EXT1: variants seen among roughly 807,000 people sequenced by gnomAD.
The protein encoded by EXT1 is exostosin-1.
In EXT1, 20 loss-of-function variants were observed where a neutral mutation model predicts 82.5. That is an observed-to-expected ratio of 0.24 (90% CI 0.17 to 0.35). The LOEUF is 0.35. Among genes scored for constraint, EXT1 ranks in the 10% least tolerant of loss-of-function variants. The probability of loss-of-function intolerance (pLI) is 1.00; values close to 1 mark genes in which losing one functional copy is unlikely to be tolerated. For missense variants in EXT1, 757 were observed against 936.5 expected (o/e 0.81, Z 2.50); for synonymous variants, 348 against 350.8 (o/e 0.99, Z 0.09).
intron 1 of EXT1, among the ~76,000 whole-genome samples, chr8:117,946,350 T>C (rs1814387459): frequency 6.7e-6 from 1 of 148,538 alleles, no homozygotes; most frequent in East Asian, 2.0e-4. Context: ...ACTTGAGTAA[T>C]GGTTTTTTGT....
At chr8:117,913,044 T>TA (rs1813680014) in intron 1 of EXT1, among the ~76,000 whole-genome samples, 1 of 152,088 alleles carries the variant, frequency 6.6e-6, no homozygotes, top group Non-Finnish European at 1.5e-5. Flanking sequence ...GACAACATGT[T>TA]AAAACCCTGT....
At chr8:117,990,779 C>A (rs189769085) in intron 1 of EXT1, among the ~76,000 whole-genome samples, 19 of 152,292 alleles carry the variant, frequency 1.2e-4, no homozygotes, top group African/African-American at 3.6e-4. Context: ...CAGTTTGCAT[C>A]GTTCTAGGCA....
At chr8:117,990,720 C>T (rs988960585) in intron 1 of EXT1, among the ~76,000 whole-genome samples, 1 of 152,200 alleles carries the variant, frequency 6.6e-6, no homozygotes, top group Non-Finnish European at 1.5e-5. Context: ...CAGGATCTCT[C>T]TTTTTCATCT....
Position 117,837,201 on chromosome 8 carries a change from C to T in EXT1, c.963G>A (p.Lys321=), listed in dbSNP as rs150109153. 2.7e-5 allele frequency: 44 copies of T among 1,612,228 alleles called. No individual in the cohort carries two copies. Among genetic ancestry groups the T allele is most frequent in the Non-Finnish European group, 3.6e-5 (42 of 1,178,604 alleles). ...RCDRDNTEYE[K]YDYREMLHNA... ...TGTGCAGCATTTCCCGATAATCATA[C>T]CTAGAAAGAGAAGAGGAGTAAACAG... The change falls in exon 2 of 11, where the codon AAG becomes AAA. Residue 321 remains lysine (K), a splice_region_variant and synonymous_variant. Coordinates refer to ENST00000378204, the MANE Select transcript of EXT1 (RefSeq NM_000127.3).
intron 1 of EXT1, among the ~76,000 whole-genome samples, chr8:118,090,005 TC>T (rs1378070941): frequency 2.0e-5 from 3 of 152,140 alleles, no homozygotes; most frequent in Non-Finnish European, 2.9e-5. Context: ...CCTCCGATGG[TC>T]CCTTGGTAAC....
intron 1 of EXT1, among the ~76,000 whole-genome samples, chr8:118,042,892 T>C (rs1407587608): frequency 6.6e-6 from 1 of 152,228 alleles, no homozygotes; most frequent in East Asian, 1.9e-4. Context: ...CCTGCTTGTA[T>C]GCCTAACACC....
intron 1 of EXT1, among the ~76,000 whole-genome samples, chr8:118,033,669 G>A (rs1816372622): frequency 6.6e-6 from 1 of 151,960 alleles, no homozygotes. Context: ...GTAGAGACGA[G>A]GGGTCTCACT....
At chr8:118,002,966 A>T (rs1012625310) in intron 1 of EXT1, among the ~76,000 whole-genome samples, 1 of 152,178 alleles carries the variant, frequency 6.6e-6, no homozygotes, top group Non-Finnish European at 1.5e-5. Flanking sequence ...TTGCAAAAAT[A>T]TGGAACCAGC....
intron 1 of EXT1, among the ~76,000 whole-genome samples, chr8:117,947,435 G>A (rs923425391): frequency 2.0e-5 from 3 of 152,148 alleles, no homozygotes; most frequent in Non-Finnish European, 4.4e-5. Context: ...TTTAAAGGGG[G>A]ATGTTTATCG....
intron 1 of EXT1, among the ~76,000 whole-genome samples, chr8:117,936,098 C>T (rs1246932422): frequency 2.6e-5 from 4 of 152,156 alleles, no homozygotes; most frequent in Admixed American, 6.6e-5. Context: ...AGTAGAATGG[C>T]GATCTGACTT....
At chr8:117,877,330 A>G (rs1413994347) in intron 1 of EXT1, among the ~76,000 whole-genome samples, 1 of 152,312 alleles carries the variant, frequency 6.6e-6, no homozygotes, top group Non-Finnish European at 1.5e-5. Flanking sequence ...GGGGAAGGGA[A>G]GTAAGCAATG....
intron 10 of EXT1, among the ~76,000 whole-genome samples, chr8:117,800,583 T>C (rs1255462485): frequency 1.3e-5 from 2 of 152,236 alleles, no homozygotes; most frequent in African/African-American, 4.8e-5. Flanking sequence ...ATAGAGCATG[T>C]TGCTGTATGA....
chr8:117,822,728 TC>T, intron 4 of EXT1, 131 bp from the exon 5 acceptor site: 1 of 955,654 alleles, frequency 1.0e-6, no homozygotes, highest in Non-Finnish European at 1.6e-6. Context: ...ACTTTAATTC[TC>T]CGGATAAAAA....
chr8:117,871,080 G>A (rs1812861905), intron 1 of EXT1, among the ~76,000 whole-genome samples: 1 of 152,168 alleles, frequency 6.6e-6, no homozygotes, highest in Non-Finnish European at 1.5e-5. Context: ...TTTGGCTGTT[G>A]TATAGAATTT....
At chr8:117,811,103 T>A (rs1424078324) in intron 8 of EXT1, among the ~76,000 whole-genome samples, 2 of 152,176 alleles carry the variant, frequency 1.3e-5, no homozygotes, top group African/African-American at 4.8e-5. Context: ...TTTAACCCCA[T>A]CTACACCTCC....
chr8:118,059,355 C>T (rs1816847050), intron 1 of EXT1, among the ~76,000 whole-genome samples: 1 of 152,138 alleles, frequency 6.6e-6, no homozygotes, highest in Admixed American at 6.5e-5. Flanking sequence ...ATATGGGGAG[C>T]TTAATGAGAC....
chr8:117,964,468 T>C (rs1814764651), intron 1 of EXT1, among the ~76,000 whole-genome samples: 1 of 152,224 alleles, frequency 6.6e-6, no homozygotes. Flanking sequence ...AAATATGATT[T>C]GTAGAATATC....
At chr8:117,830,460 A>T in intron 3 of EXT1, 111 bp from the exon 4 acceptor site, 1 of 1,195,348 alleles carries the variant, frequency 8.4e-7, no homozygotes, top group South Asian at 1.4e-5. Flanking sequence ...TTTGGCTTCT[A>T]GCATATAGAT....
intron 10 of EXT1, 83 bp downstream of exon 10, chr8:117,804,639 C>A (rs996630823): frequency 2.7e-6 from 4 of 1,478,498 alleles, no homozygotes; most frequent in Non-Finnish European, 3.8e-6. Context: ...CTGGGTGGAA[C>A]AGCTAGAGGA....
Sources: gnomAD v4.1 joint callset for allele counts (sites outside exome capture counted in the v4.1 genomes callset) on GRCh38, gnomAD v4.1.1 for gene constraint, MANE v1.5 for transcripts, NCBI Gene and HGNC (gene_info 2026-07-23, HGNC 2026-07-21) for gene names.